The following ESR2 variants were observed in gnomAD, a reference collection of about 807,000 sequenced individuals.
ESR2 encodes estrogen receptor beta.
In ESR2, 36 loss-of-function variants were observed where a neutral mutation model predicts 49.6. That is an observed-to-expected ratio of 0.73 (90% CI 0.56 to 0.96). The LOEUF is 0.96. Among genes scored for constraint, ESR2 ranks in the 40% least tolerant of loss-of-function variants. The probability of loss-of-function intolerance (pLI) is 0.00; values close to 1 mark genes in which losing one functional copy is unlikely to be tolerated. For synonymous variants in ESR2, 320 were observed against 266.1 expected (o/e 1.20, Z -1.97); for missense variants, 714 against 693.0 (o/e 1.03, Z -0.34).
chr14:64,302,148 T>TA (rs1248164534), intron 1 of ESR2, among the ~76,000 whole-genome samples: 8 of 146,024 alleles, frequency 5.5e-5, no homozygotes, highest in Non-Finnish European at 9.0e-5. Flanking sequence ...GGGTCACTTT[T>TA]TTATTTTTTA....
intron 7 of ESR2, among the ~76,000 whole-genome samples, chr14:64,241,270 ACCC>A (rs1002036589): frequency 2.0e-5 from 3 of 152,070 alleles, no homozygotes; most frequent in Non-Finnish European, 4.4e-5. Flanking sequence ...TTGGGAAATC[ACCC>A]CATCATAAAT....
At chr14:64,247,723 G>A (rs547985256) in intron 7 of ESR2, among the ~76,000 whole-genome samples, 3 of 152,254 alleles carry the variant, frequency 2.0e-5, no homozygotes, top group South Asian at 2.1e-4. Context: ...CTGCTAGAGC[G>A]GCTGGCTTAG....
At chr14:64,302,415 T>C (rs866865927) in intron 1 of ESR2, among the ~76,000 whole-genome samples, 50 of 151,606 alleles carry the variant, frequency 3.3e-4, no homozygotes, top group African/African-American at 1.1e-3. Context: ...TCTCAATCTC[T>C]TGATCTCGTG....
chr14:64,280,365 G>C (rs752525694), intron 2 of ESR2, among the ~76,000 whole-genome samples: 11 of 152,224 alleles, frequency 7.2e-5, no homozygotes, highest in Non-Finnish European at 1.5e-4. Flanking sequence ...ACTAATGTTT[G>C]AAAGTGGGTA....
rs752998368 is a variant in ESR2, at chr14:64,283,073, T to C, written c.-88A>G. 3.8e-5 allele frequency: 52 copies of C among 1,380,452 alleles called. No homozygotes were observed. The highest frequency in any genetic ancestry group is 5.1e-5 in the Non-Finnish European group (52 of 1,016,648). The allele number at this position is 1,380,452 out of a possible 1,614,324, so 85.5% of individuals were successfully genotyped here. On this transcript the variant is annotated splice_region_variant and 5_prime_UTR_variant, in exon 2 of 9. Coordinates refer to ENST00000341099, the MANE Select transcript of ESR2 (RefSeq NM_001437.3). ...CTCAAAGATTCGTGGGCAAGTATAA[T>C]GGCTGTAAAGAAACACAGAAGATAT...
At position 64,233,496 on chromosome 14, in the gene ESR2, C is replaced by CAAGG. The variant is rs559446698; in HGVS notation, c.1407-177_1407-174dup. The CAAGG allele has an allele frequency of 4.1e-4, 253 of 612,076 alleles. 3 individuals are homozygous for CAAGG. In the South Asian group the frequency reaches 5.1e-3, roughly 12 times the overall value. The allele number at this position is 612,076 out of a possible 1,614,324, so 37.9% of individuals were successfully genotyped here. A position where few individuals can be genotyped will look rare whatever the true frequency, so the allele number is the denominator to read the frequency against. On this transcript the variant is annotated intron_variant, in intron 8 of 8. Coordinates refer to ENST00000341099, the MANE Select transcript of ESR2 (RefSeq NM_001437.3). ...CCAGCTCCCCCTGATAATTTAGGCT[C>CAAGG]AAGGGCAAGGACGATGTCTTGTCAG... is the stretch of plus-strand genomic sequence containing the variant.
chr14:64,338,389 G>C (rs976058608), upstream of ESR2: 2 of 154,992 alleles, frequency 1.3e-5, no homozygotes, highest in Non-Finnish European at 1.5e-5. Flanking sequence ...CTCCAGAGCA[G>C]AACGCGGAGG....
chr14:64,276,210 T>C (rs995256614), intron 3 of ESR2, among the ~76,000 whole-genome samples: 2 of 152,126 alleles, frequency 1.3e-5, no homozygotes, highest in Non-Finnish European at 2.9e-5. Context: ...CAGAGTCAAG[T>C]GGAAAAAATA....
intron 6 of ESR2, among the ~76,000 whole-genome samples, chr14:64,252,304 C>T (rs1567745046): frequency 1.3e-5 from 2 of 150,028 alleles, no homozygotes; most frequent in Non-Finnish European, 3.0e-5. Flanking sequence ...AGAGCGGGAC[C>T]GTCTCTAAAA....
At chr14:64,274,206 C>G (rs1464193371) in intron 3 of ESR2, among the ~76,000 whole-genome samples, 1 of 151,936 alleles carries the variant, frequency 6.6e-6, no homozygotes, top group African/African-American at 2.4e-5. Context: ...CCTTGGCTTC[C>G]CAAAGTGCTG....
At chr14:64,227,761 C>T (rs543219116), downstream of ESR2, 32 of 1,539,598 alleles carry the variant, frequency 2.1e-5, no homozygotes, top group South Asian at 3.8e-4. Context: ...CCAGGGAGGC[C>T]ACTGCAGCTT....
At chr14:64,303,228 C>T (rs2140869760) in intron 1 of ESR2, among the ~76,000 whole-genome samples, 1 of 152,312 alleles carries the variant, frequency 6.6e-6, no homozygotes, top group Middle Eastern at 3.4e-3. Flanking sequence ...CTCACAGGTG[C>T]TCAGGTCGGC....
At chr14:64,323,272 AT>A (rs1327510129) in intron 1 of ESR2, among the ~76,000 whole-genome samples, 1 of 152,058 alleles carries the variant, frequency 6.6e-6, no homozygotes, top group Non-Finnish European at 1.5e-5. Context: ...CAGTGGTGCA[AT>A]CTTGGCTCAC....
At chr14:64,287,109 G>A (rs1469194138) in intron 1 of ESR2, among the ~76,000 whole-genome samples, 1 of 151,738 alleles carries the variant, frequency 6.6e-6, no homozygotes, top group Non-Finnish European at 1.5e-5. Flanking sequence ...ATAAAGTTCA[G>A]TAGTGTTAAG....
At chr14:64,233,463 T>G (rs1196287170) in intron 8 of ESR2, 140 bp from the exon 9 acceptor site, 13 of 749,546 alleles carry the variant, frequency 1.7e-5, no homozygotes, top group Admixed American at 1.1e-4. Flanking sequence ...TATCCATGGC[T>G]CGTGCATCCA....
chr14:64,260,173 A>G, intron 5 of ESR2: 2 of 686,350 alleles, frequency 2.9e-6, no homozygotes, highest in Non-Finnish European at 5.4e-6. Context: ...AAGAATAGAA[A>G]TGGCTGGGCC....
chr14:64,276,996 A>G (rs958836243), intron 3 of ESR2, among the ~76,000 whole-genome samples: 19 of 152,218 alleles, frequency 1.2e-4, no homozygotes, highest in African/African-American at 4.6e-4. Context: ...ACAATGCTCA[A>G]TAAATATTTG....
chr14:64,331,083 C>G (rs2077451939), intron 1 of ESR2, among the ~76,000 whole-genome samples: 1 of 151,938 alleles, frequency 6.6e-6, no homozygotes, highest in South Asian at 2.1e-4. Context: ...AATTAAAAGA[C>G]AAAGATTATA....
chr14:64,264,453 T>C (rs571325868), intron 4 of ESR2, among the ~76,000 whole-genome samples: 22 of 148,046 alleles, frequency 1.5e-4, no homozygotes, highest in Admixed American at 1.0e-3. Context: ...TGGAGCAAAA[T>C]GTATGTTTTT....
Sources: allele counts gnomAD v4.1 joint callset (sites outside exome capture counted in the v4.1 genomes callset), GRCh38; gene constraint gnomAD v4.1.1; transcripts MANE v1.5; gene names NCBI Gene and HGNC (gene_info 2026-07-23, HGNC 2026-07-21).